Variants in GFRA1 observed in about 807,000 individuals in gnomAD.
The protein encoded by GFRA1 is GDNF family receptor alpha-1.
Under a neutral mutation model 51.6 loss-of-function variants are expected in GFRA1, and 16 were observed. The observed-to-expected ratio is 0.31, with a 90% CI of 0.21 to 0.47. The LOEUF is 0.47. Among genes scored for constraint, GFRA1 ranks in the 20% least tolerant of loss-of-function variants. The pLI is 1.00. For synonymous variants in GFRA1, 270 were observed against 241.3 expected (o/e 1.12, Z -1.10); for missense variants, 530 against 594.3 (o/e 0.89, Z 1.13).
chr10:116,174,578 T>C (rs972432614), intron 5 of GFRA1, among the ~76,000 whole-genome samples: 1 of 152,196 alleles, frequency 6.6e-6, no homozygotes, highest in Non-Finnish European at 1.5e-5. Context: ...CTCACACTAA[T>C]AGGCTTCCAT....
chr10:116,191,672 A>C (rs1213937904), intron 5 of GFRA1, among the ~76,000 whole-genome samples: 3 of 152,240 alleles, frequency 2.0e-5, no homozygotes, highest in Non-Finnish European at 4.4e-5. Context: ...AAGAAAAATA[A>C]AGACCTGATT....
chr10:116,196,383 G>A (rs1181827814), intron 5 of GFRA1, among the ~76,000 whole-genome samples: 1 of 150,102 alleles, frequency 6.7e-6, no homozygotes, highest in East Asian at 1.9e-4. Context: ...CAGCTACTAG[G>A]GAGGCTGAGG....
chr10:116,249,294 G>A (rs117381692), intron 4 of GFRA1, among the ~76,000 whole-genome samples: 3,691 of 152,156 alleles, frequency 0.024, 68 homozygotes, highest in Non-Finnish European at 0.035. Context: ...AGGCTGTGAG[G>A]CCTGCAATTG....
At chr10:116,150,009 A>G (rs770512543) in intron 5 of GFRA1, among the ~76,000 whole-genome samples, 2 of 152,184 alleles carry the variant, frequency 1.3e-5, no homozygotes, top group Non-Finnish European at 2.9e-5. Flanking sequence ...GGCTTACTAT[A>G]TGTCCAACAT....
At chr10:116,127,066 T>C (rs1270392582) in intron 5 of GFRA1, among the ~76,000 whole-genome samples, 1 of 146,518 alleles carries the variant, frequency 6.8e-6, no homozygotes, top group African/African-American at 2.6e-5. Flanking sequence ...AAGCAGAGAG[T>C]GGAATGATGG....
intron 4 of GFRA1, among the ~76,000 whole-genome samples, chr10:116,264,727 C>T (rs964126951): frequency 3.3e-5 from 5 of 152,218 alleles, no homozygotes; most frequent in African/African-American, 1.2e-4. Flanking sequence ...AATTGTTTGG[C>T]TCAGTGAGCT....
chr10:116,081,210 T>G lies in GFRA1; in HGVS notation c.1197+8531A>C, dbSNP rs142568216. 2.1e-4 allele frequency among the ~76,000 whole-genome samples: 32 copies of G among 152,320 alleles called. No individual in the cohort carries two copies. In the South Asian group the frequency reaches 4.1e-3, roughly 20 times the overall value. On this transcript the variant is annotated intron_variant, in intron 9 of 10. Coordinates refer to ENST00000355422, the MANE Select transcript of GFRA1 (RefSeq NM_005264.8). ...CAGGTGGCCTGGGAACCCCAAAGTG[T>G]GACTGGCATCTGAAGCAAGGGCCGT...
At chr10:116,124,424 T>C (rs1957770427) in intron 6 of GFRA1, among the ~76,000 whole-genome samples, 1 of 150,956 alleles carries the variant, frequency 6.6e-6, no homozygotes. Context: ...AGAGATGGGG[T>C]TTTGCCATGT....
At chr10:116,260,538 A>T (rs1022218607) in intron 4 of GFRA1, among the ~76,000 whole-genome samples, 2 of 152,170 alleles carry the variant, frequency 1.3e-5, no homozygotes, top group Non-Finnish European at 2.9e-5. Flanking sequence ...TATTTTTACA[A>T]CAGCCTACTA....
At chr10:116,085,183 G>C (rs866062157) in intron 9 of GFRA1, among the ~76,000 whole-genome samples, 2 of 152,162 alleles carry the variant, frequency 1.3e-5, no homozygotes, top group Admixed American at 1.3e-4. Context: ...TAGCCACCTA[G>C]TTCCCCAAAC....
At chr10:116,103,957 G>C (rs910925706) in intron 6 of GFRA1, among the ~76,000 whole-genome samples, 1 of 152,176 alleles carries the variant, frequency 6.6e-6, no homozygotes, top group African/African-American at 2.4e-5. Context: ...ATTTGCCTAG[G>C]AGTAGGCTAC....
intron 4 of GFRA1, among the ~76,000 whole-genome samples, chr10:116,218,117 C>T (rs1965683343): frequency 6.6e-6 from 1 of 152,190 alleles, no homozygotes; most frequent in African/African-American, 2.4e-5. Flanking sequence ...TACCTTCAAA[C>T]ACCAGCGATC....
intron 5 of GFRA1, among the ~76,000 whole-genome samples, chr10:116,206,604 C>T (rs986418529): frequency 3.4e-5 from 5 of 148,682 alleles, no homozygotes; most frequent in Non-Finnish European, 7.4e-5. Context: ...ACAGGTTACA[C>T]TTCTGAAACC....
At chr10:116,122,249 A>G (rs1957677492) in intron 6 of GFRA1, among the ~76,000 whole-genome samples, 1 of 152,182 alleles carries the variant, frequency 6.6e-6, no homozygotes, top group African/African-American at 2.4e-5. Context: ...TGGCAGCAGC[A>G]CAGACACGCC....
chr10:116,249,626 C>T (rs1211735981), intron 4 of GFRA1, among the ~76,000 whole-genome samples: 2 of 152,206 alleles, frequency 1.3e-5, no homozygotes, highest in Non-Finnish European at 2.9e-5. Context: ...TACACCTCTG[C>T]CCTGCTTCAA....
chr10:116,113,255 G>C (rs72834559), intron 6 of GFRA1, among the ~76,000 whole-genome samples: 1 of 149,332 alleles, frequency 6.7e-6, no homozygotes, highest in East Asian at 2.0e-4. Context: ...AACATGTAAT[G>C]AGCTGCTCGA....
chr10:116,199,111 CCTGCTG>C (rs1391275372), intron 5 of GFRA1, among the ~76,000 whole-genome samples: 15 of 152,244 alleles, frequency 9.9e-5, no homozygotes, highest in African/African-American at 3.1e-4. Context: ...GAGAGCATGG[CCTGCTG>C]ACACCTTGAT....
chr10:116,233,341 A>ATT (rs373749163), intron 4 of GFRA1, among the ~76,000 whole-genome samples: 8 of 151,372 alleles, frequency 5.3e-5, no homozygotes, highest in Admixed American at 1.3e-4. Flanking sequence ...AAAAAAAAAA[A>ATT]TTTTTTAATT....
At chr10:116,253,543 G>A (rs1285852327) in intron 4 of GFRA1, among the ~76,000 whole-genome samples, 1 of 152,068 alleles carries the variant, frequency 6.6e-6, no homozygotes, top group African/African-American at 2.4e-5. Context: ...GGGAGGCTGA[G>A]GTTGCAGTGA....
Sources: gnomAD v4.1 joint callset for allele counts (sites outside exome capture counted in the v4.1 genomes callset) on GRCh38, gnomAD v4.1.1 for gene constraint, MANE v1.5 for transcripts, NCBI Gene and HGNC (gene_info 2026-07-23, HGNC 2026-07-21) for gene names.